Variants in SGCZ observed in about 807,000 individuals in gnomAD.
SGCZ encodes zeta-sarcoglycan.
Under a neutral mutation model 41.3 loss-of-function variants are expected in SGCZ, and 40 were observed. The ratio of observed to expected loss-of-function variants is 0.97; its 90% CI spans 0.75 to 1.26. The LOEUF (loss-of-function observed/expected upper bound fraction) is 1.26. SGCZ is among the 50% of genes most tolerant of loss of function. The pLI, the probability that SGCZ is intolerant of heterozygous loss-of-function variation, is 0.00. For missense variants in SGCZ, 552 were observed against 369.8 expected, an observed-to-expected ratio of 1.49 and a Z score of -4.04; for synonymous variants, 206 against 137.5, an observed-to-expected ratio of 1.50 and a Z score of -3.49.
chr8:14,479,667 T>C (rs1447591969), intron 2 of SGCZ, among the ~76,000 whole-genome samples: 2 of 151,346 alleles, frequency 1.3e-5, no homozygotes, highest in Non-Finnish European at 2.9e-5. Context: ...ATGGAGTTAA[T>C]TTAATGTGAT....
At chr8:14,318,684 G>C (rs1036507495) in intron 3 of SGCZ, among the ~76,000 whole-genome samples, 1 of 151,904 alleles carries the variant, frequency 6.6e-6, no homozygotes, top group African/African-American at 2.4e-5. Flanking sequence ...AAATCATTTA[G>C]AAACACCTCA....
At position 15,169,948 on chromosome 8, in the gene SGCZ, C is replaced by T. The variant is rs557062553; in HGVS notation, c.39+67637G>A. ...AAAAGAGTGAACTACGTAATTTCAT[C>T]ATAGATATTTGTTTCCAGTCGAAAA... On this transcript the variant is annotated intron_variant, in intron 1 of 7. Coordinates refer to ENST00000382080, the MANE Select transcript of SGCZ (RefSeq NM_139167.4). Among the ~76,000 whole-genome samples, 12 of 152,266 alleles carry T rather than the reference C, an allele frequency of 7.9e-5. No individual in the cohort carries two copies. In the South Asian group the frequency reaches 1.9e-3, roughly 24 times the overall value.
At chr8:14,498,955 G>T (rs1243053876) in intron 2 of SGCZ, among the ~76,000 whole-genome samples, 1 of 151,418 alleles carries the variant, frequency 6.6e-6, no homozygotes, top group Admixed American at 6.6e-5. Context: ...GACACCAGCA[G>T]TATCTATGAA....
chr8:14,890,526 A>G (rs1804972675), intron 1 of SGCZ, among the ~76,000 whole-genome samples: 1 of 152,338 alleles, frequency 6.6e-6, no homozygotes, highest in East Asian at 1.9e-4. Flanking sequence ...CAACAAGAAA[A>G]GTTTGAAGCT....
In SGCZ at chr8:14,332,006, A is replaced by G. The variant is rs183487404; in HGVS notation, c.235-7802T>C. Among the ~76,000 whole-genome samples, 25 of 152,098 alleles carry G rather than the reference A, an allele frequency of 1.6e-4. 1 individual carries two copies. Among genetic ancestry groups the G allele is most frequent in the African/African-American group, 5.5e-4 (23 of 41,566 alleles). On this transcript the variant is annotated intron_variant, in intron 2 of 7. Transcript: ENST00000382080. ...AATATATTTATGAATAAATATAAAT[A>G]CATATTTCCCTTATACATATCCTTA...
At chr8:14,924,461 A>G (rs535098520) in intron 1 of SGCZ, among the ~76,000 whole-genome samples, 2 of 152,336 alleles carry the variant, frequency 1.3e-5, no homozygotes, top group South Asian at 4.1e-4. Context: ...TGTTAAAAGC[A>G]AAATCCATTA....
chr8:15,195,393 G>A (rs1434244085), intron 1 of SGCZ, among the ~76,000 whole-genome samples: 4 of 152,154 alleles, frequency 2.6e-5, no homozygotes, highest in Non-Finnish European at 5.9e-5. Flanking sequence ...CCAAATGCTT[G>A]CTGCTGGCTC....
intron 1 of SGCZ, among the ~76,000 whole-genome samples, chr8:14,796,477 T>A (rs952008662): frequency 1.3e-5 from 2 of 152,186 alleles, no homozygotes; most frequent in Non-Finnish European, 2.9e-5. Flanking sequence ...TATTTGAGTA[T>A]TTTCTTTATG....
At chr8:15,070,092 C>T (rs1169291139) in intron 1 of SGCZ, among the ~76,000 whole-genome samples, 1 of 152,120 alleles carries the variant, frequency 6.6e-6, no homozygotes, top group East Asian at 1.9e-4. Context: ...CATTTTCCTT[C>T]TTGTGCTACA....
chr8:14,146,966 C>A (rs1325029959), intron 5 of SGCZ, among the ~76,000 whole-genome samples: 4 of 148,668 alleles, frequency 2.7e-5, no homozygotes, highest in South Asian at 2.1e-4. Flanking sequence ...AAAAAAAAAA[C>A]CCAAAAATTT....
At chr8:14,343,840 G>C (rs1340856268) in intron 2 of SGCZ, among the ~76,000 whole-genome samples, 1 of 151,724 alleles carries the variant, frequency 6.6e-6, no homozygotes, top group Non-Finnish European at 1.5e-5. Flanking sequence ...ACTAAATCTA[G>C]AGTTTATTCA....
intron 1 of SGCZ, among the ~76,000 whole-genome samples, chr8:14,938,552 A>G (rs900059785): frequency 2.0e-5 from 3 of 152,222 alleles, no homozygotes; most frequent in African/African-American, 7.2e-5. Context: ...AATATACATA[A>G]CATACAAATA....
intron 2 of SGCZ, among the ~76,000 whole-genome samples, chr8:14,443,198 G>A (rs1236861331): frequency 2.0e-5 from 3 of 151,972 alleles, no homozygotes; most frequent in Admixed American, 1.3e-4. Context: ...ATGCTCATGG[G>A]TAGGAAGAAT....
At chr8:14,630,360 G>C (rs1394255091) in intron 1 of SGCZ, among the ~76,000 whole-genome samples, 1 of 151,874 alleles carries the variant, frequency 6.6e-6, no homozygotes, top group Admixed American at 6.6e-5. Flanking sequence ...AAAACACTTG[G>C]CTCTCAGGAT....
intron 4 of SGCZ, among the ~76,000 whole-genome samples, chr8:14,236,336 T>G (rs1806760325): frequency 6.6e-6 from 1 of 152,194 alleles, no homozygotes; most frequent in African/African-American, 2.4e-5. Context: ...AATAGATATG[T>G]AATGACAAAC....
At chr8:14,389,288 A>G (rs61494519) in intron 2 of SGCZ, among the ~76,000 whole-genome samples, 7,064 of 151,880 alleles carry the variant, frequency 0.047, 531 homozygotes, top group African/African-American at 0.16. Flanking sequence ...AGGAGAAAAT[A>G]GAAGAAAAGT....
chr8:14,227,805 A>G (rs1806423823), intron 4 of SGCZ, among the ~76,000 whole-genome samples: 1 of 152,004 alleles, frequency 6.6e-6, no homozygotes, highest in South Asian at 2.1e-4. Context: ...TTTTTCTGGT[A>G]TATGCATTAT....
intron 1 of SGCZ, among the ~76,000 whole-genome samples, chr8:14,916,456 G>A (rs1016345015): frequency 3.9e-5 from 6 of 152,202 alleles, no homozygotes; most frequent in Admixed American, 3.3e-4. Flanking sequence ...CAGAAATGTA[G>A]ATATGATAAT....
chr8:14,961,913 G>A (rs1272937949), intron 1 of SGCZ, among the ~76,000 whole-genome samples: 14 of 152,318 alleles, frequency 9.2e-5, no homozygotes, highest in Admixed American at 8.5e-4. Flanking sequence ...GCAAGCCAAT[G>A]TATGTCATAA....
Sources: gnomAD v4.1 joint callset for allele counts (sites outside exome capture counted in the v4.1 genomes callset) on GRCh38, gnomAD v4.1.1 for gene constraint, MANE v1.5 for transcripts, NCBI Gene and HGNC (gene_info 2026-07-23, HGNC 2026-07-21) for gene names.